The following ROBO1 variants were observed in gnomAD, a reference collection of about 807,000 sequenced individuals.
ROBO1 encodes roundabout homolog 1.
Under a neutral mutation model 195.9 loss-of-function variants are expected in ROBO1, and 149 were observed. That is an observed-to-expected ratio of 0.76 (90% CI 0.67 to 0.87). The LOEUF is 0.87. Ranked by LOEUF, ROBO1 falls within the 40% of genes least tolerant of loss-of-function variation. The probability of loss-of-function intolerance (pLI) is 0.00; values close to 1 mark genes in which losing one functional copy is unlikely to be tolerated. For missense variants in ROBO1, 1,933 were observed against 2,068.3 expected (o/e 0.93, Z 1.27); for synonymous variants, 816 against 733.2 (o/e 1.11, Z -1.82).
chr3:79,586,649 A>AT (rs1020527974), intron 2 of ROBO1, among the ~76,000 whole-genome samples: 75 of 151,032 alleles, frequency 5.0e-4, no homozygotes, highest in African/African-American at 1.3e-3. Context: ...ACTCAATTTT[A>AT]TTTTTTTTTA....
intron 3 of ROBO1, among the ~76,000 whole-genome samples, chr3:78,972,382 G>T (rs968688341): frequency 6.6e-6 from 1 of 152,108 alleles, no homozygotes; most frequent in Admixed American, 6.6e-5. Flanking sequence ...ATGAAAAATG[G>T]ATCCACGGAT....
chr3:79,406,894 T>G (rs1260788242), intron 2 of ROBO1, among the ~76,000 whole-genome samples: 2 of 152,084 alleles, frequency 1.3e-5, no homozygotes, highest in African/African-American at 4.8e-5. Flanking sequence ...AAACATGGAA[T>G]TACCAACACA....
rs1419453480 is a variant in ROBO1, at chr3:78,617,664, A to C, written c.4253T>G (p.Val1418Gly). 1 of 1,613,404 alleles carries C rather than the reference A, an allele frequency of 6.2e-7. No homozygotes were observed. The highest frequency in any genetic ancestry group is 2.2e-5 in the East Asian group (1 of 44,866). Reference protein sequence around the residue: ...AAAAEYAGLKVARRQMQDAAG... With the variant: ...AAAAEYAGLKGARRQMQDAAG... ...AGCATCCTGCATTTGCCGTCGTGCTACTTTCAGACCAGCATACTCTGCCGC... is the reference window on the plus strand; with the variant it reads ...AGCATCCTGCATTTGCCGTCGTGCTCCTTTCAGACCAGCATACTCTGCCGC... The change falls in exon 27 of 31, where the codon GTA (valine) becomes GGA (glycine). Residue 1418 changes from valine (V) to glycine (G), a missense_variant. Coordinates refer to ENST00000464233, the MANE Select transcript of ROBO1 (RefSeq NM_002941.4).
chr3:78,652,484 G>A (rs1003789500), intron 18 of ROBO1, among the ~76,000 whole-genome samples: 4 of 151,864 alleles, frequency 2.6e-5, no homozygotes, highest in African/African-American at 7.3e-5. Flanking sequence ...TGTGTACCCC[G>A]ACACTAACAT....
At chr3:79,294,384 C>T (rs1029747023) in intron 2 of ROBO1, among the ~76,000 whole-genome samples, 1 of 152,120 alleles carries the variant, frequency 6.6e-6, no homozygotes, top group African/African-American at 2.4e-5. Flanking sequence ...GTTGGGAAAA[C>T]TGGCTAGCCA....
At chr3:78,963,612 G>A (rs539062886) in intron 3 of ROBO1, among the ~76,000 whole-genome samples, 17 of 135,240 alleles carry the variant, frequency 1.3e-4, no homozygotes, top group East Asian at 5.3e-4. Context: ...TCCGCCTCCC[G>A]GGTTCACGCC....
At chr3:78,655,556 G>A (rs914827093) in intron 18 of ROBO1, among the ~76,000 whole-genome samples, 1 of 152,174 alleles carries the variant, frequency 6.6e-6, no homozygotes, top group Non-Finnish European at 1.5e-5. Flanking sequence ...TTTGGTAGAC[G>A]TTATTGTCTT....
rs184386908 is a variant in ROBO1, at chr3:79,245,169, T to C, written c.89-119630A>G. On this transcript the variant is annotated intron_variant, in intron 2 of 30. Transcript: ENST00000464233. Reference sequence around the variant, plus strand: ...GCTTCTAAAAGATCACATAGTCTGTTGTTCTTCAGTAAGAAACGTTGGTTT... The same window carrying C: ...GCTTCTAAAAGATCACATAGTCTGTCGTTCTTCAGTAAGAAACGTTGGTTT... Among the ~76,000 whole-genome samples the C allele has an allele frequency of 2.6e-4, 40 of 152,254 alleles. 1 individual carries two copies. In the East Asian group the frequency reaches 3.7e-3, roughly 14 times the overall value.
chr3:79,762,676 A>G (rs1292639542), intron 1 of ROBO1, among the ~76,000 whole-genome samples: 2 of 151,616 alleles, frequency 1.3e-5, no homozygotes, highest in African/African-American at 4.8e-5. Flanking sequence ...AAGAAAATGC[A>G]AGTAAATTTT....
chr3:78,836,392 G>C (rs200789475), intron 4 of ROBO1, among the ~76,000 whole-genome samples: 1 of 151,090 alleles, frequency 6.6e-6, no homozygotes, highest in Non-Finnish European at 1.5e-5. Flanking sequence ...GGTGCCTGTA[G>C]TCCCAGCTAC....
chr3:79,112,194 C>G (rs1010122690), intron 3 of ROBO1, among the ~76,000 whole-genome samples: 1 of 152,104 alleles, frequency 6.6e-6, no homozygotes, highest in Admixed American at 6.6e-5. Flanking sequence ...TTGGGCAGCT[C>G]TGATGTAGAA....
At chr3:79,400,039 A>G (rs2037305762) in intron 2 of ROBO1, among the ~76,000 whole-genome samples, 1 of 152,150 alleles carries the variant, frequency 6.6e-6, no homozygotes, top group Non-Finnish European at 1.5e-5. Flanking sequence ...TTACTCATTC[A>G]GAAACGCTTG....
chr3:78,783,320 G>A (rs925471782), intron 4 of ROBO1, among the ~76,000 whole-genome samples: 1 of 152,066 alleles, frequency 6.6e-6, no homozygotes, highest in African/African-American at 2.4e-5. Context: ...GTCAATCAGT[G>A]TTGCTTGTTA....
At chr3:78,671,031 G>A (rs1317795712) in intron 10 of ROBO1, among the ~76,000 whole-genome samples, 5 of 152,056 alleles carry the variant, frequency 3.3e-5, no homozygotes, top group South Asian at 2.1e-4. Context: ...GGGATTAATG[G>A]GATTGGGAAT....
intron 3 of ROBO1, among the ~76,000 whole-genome samples, chr3:79,019,888 T>A (rs112793986): frequency 6.6e-6 from 1 of 152,130 alleles, no homozygotes. Flanking sequence ...TTGAGCAACA[T>A]GGCTTTAGGA....
At chr3:79,614,896 C>T (rs1944772004) in intron 1 of ROBO1, among the ~76,000 whole-genome samples, 1 of 151,952 alleles carries the variant, frequency 6.6e-6, no homozygotes, top group Admixed American at 6.6e-5. Flanking sequence ...TAATCATGGA[C>T]ATTAAAAAAT....
intron 2 of ROBO1, among the ~76,000 whole-genome samples, chr3:79,228,669 A>G (rs181051674): frequency 1.3e-5 from 2 of 152,272 alleles, no homozygotes; most frequent in East Asian, 1.9e-4. Flanking sequence ...ACTGTAACTT[A>G]TATAGTTCTG....
intron 2 of ROBO1, among the ~76,000 whole-genome samples, chr3:79,294,843 A>G (rs1341042585): frequency 6.6e-6 from 1 of 152,220 alleles, no homozygotes; most frequent in Non-Finnish European, 1.5e-5. Flanking sequence ...ACTAACATGA[A>G]AAAAAGCTCC....
At chr3:79,255,266 G>A (rs996481936) in intron 2 of ROBO1, among the ~76,000 whole-genome samples, 1 of 152,126 alleles carries the variant, frequency 6.6e-6, no homozygotes, top group Non-Finnish European at 1.5e-5. Context: ...TGAGGCTGGA[G>A]GATGGCTTGA....
Sources: gnomAD v4.1 joint callset for allele counts (sites outside exome capture counted in the v4.1 genomes callset) on GRCh38, gnomAD v4.1.1 for gene constraint, MANE v1.5 for transcripts, NCBI Gene and HGNC (gene_info 2026-07-23, HGNC 2026-07-21) for gene names.